Variants in CFAP299 observed in about 807,000 individuals in gnomAD.
The protein encoded by CFAP299 is cilia and flagella associated protein 299, also known as cilia- and flagella-associated protein 299.
CFAP299 carries 21 observed loss-of-function variants against 27.0 expected under a neutral mutation model. The ratio of observed to expected loss-of-function variants is 0.78; its 90% CI spans 0.55 to 1.12. The LOEUF is 1.12. Among genes scored for constraint, CFAP299 ranks in the 50% most tolerant of loss-of-function variants. CFAP299 has a pLI of 0.00. For synonymous variants in CFAP299, 104 were observed against 98.1 expected (o/e 1.06, Z -0.36); for missense variants, 310 against 276.6 (o/e 1.12, Z -0.86).
intron 1 of CFAP299, among the ~76,000 whole-genome samples, chr4:80,352,360 G>T (rs925633567): frequency 6.6e-6 from 1 of 152,112 alleles, no homozygotes; most frequent in Non-Finnish European, 1.5e-5. Flanking sequence ...TTGATATCAG[G>T]AGTTCGAGAC....
At chr4:80,492,040 C>CT (rs1731161950) in intron 2 of CFAP299, among the ~76,000 whole-genome samples, 1 of 152,176 alleles carries the variant, frequency 6.6e-6, no homozygotes. Flanking sequence ...TTACCTTAAT[C>CT]TTTATCTTAA....
chr4:80,929,759 C>T (rs1191197123), intron 4 of CFAP299, among the ~76,000 whole-genome samples: 2 of 152,190 alleles, frequency 1.3e-5, no homozygotes, highest in African/African-American at 4.8e-5. Flanking sequence ...TATCTCTTTT[C>T]TGCTTACACC....
chr4:80,785,978 G>A (rs1727224709), intron 3 of CFAP299, among the ~76,000 whole-genome samples: 1 of 152,072 alleles, frequency 6.6e-6, no homozygotes, highest in African/African-American at 2.4e-5. Flanking sequence ...GGGCAAAGCA[G>A]AACAGAATAA....
At chr4:80,698,226 T>G (rs1721235713) in intron 3 of CFAP299, among the ~76,000 whole-genome samples, 1 of 152,204 alleles carries the variant, frequency 6.6e-6, no homozygotes, top group Admixed American at 6.5e-5. Context: ...ATCATTCGTT[T>G]AAAGACATTA....
At chr4:80,392,484 G>C (rs1298932753) in intron 2 of CFAP299, among the ~76,000 whole-genome samples, 1 of 152,122 alleles carries the variant, frequency 6.6e-6, no homozygotes, top group Admixed American at 6.6e-5. Flanking sequence ...TCAAGGGAGT[G>C]GTTCCTCCAT....
At chr4:80,406,050 C>T (rs1449971375) in intron 2 of CFAP299, among the ~76,000 whole-genome samples, 1 of 151,910 alleles carries the variant, frequency 6.6e-6, no homozygotes, top group African/African-American at 2.4e-5. Context: ...AATAAAACTC[C>T]AAAACAAAAC....
intron 3 of CFAP299, among the ~76,000 whole-genome samples, chr4:80,669,881 T>C (rs1454019128): frequency 2.0e-5 from 3 of 151,932 alleles, no homozygotes; most frequent in African/African-American, 2.4e-5. Context: ...TCATTAAGGG[T>C]TTTTTATTAT....
chr4:80,727,541 A>G (rs1338181882), intron 3 of CFAP299, among the ~76,000 whole-genome samples: 2 of 152,068 alleles, frequency 1.3e-5, no homozygotes, highest in African/African-American at 4.8e-5. Flanking sequence ...TGATTCCACC[A>G]CTGTCTTGTG....
At chr4:80,852,811 A>G (rs779081367) in intron 3 of CFAP299, among the ~76,000 whole-genome samples, 3 of 152,178 alleles carry the variant, frequency 2.0e-5, no homozygotes, top group African/African-American at 4.8e-5. Context: ...ATTCAGCAAC[A>G]TGAAACCCAA....
intron 3 of CFAP299, among the ~76,000 whole-genome samples, chr4:80,718,598 A>G (rs1377805476): frequency 6.6e-6 from 1 of 152,096 alleles, no homozygotes; most frequent in African/African-American, 2.4e-5. Flanking sequence ...TACTATTTAA[A>G]AGGTTGATAA....
chr4:80,332,811 G>A (rs1024100035), upstream of CFAP299, among the ~76,000 whole-genome samples: 1 of 152,152 alleles, frequency 6.6e-6, no homozygotes, highest in Admixed American at 6.5e-5. Flanking sequence ...CAGGTGCTAT[G>A]TTCTGATTGT....
chr4:80,463,903 G>A (rs1469476066), intron 2 of CFAP299, among the ~76,000 whole-genome samples: 2 of 152,032 alleles, frequency 1.3e-5, no homozygotes, highest in Non-Finnish European at 2.9e-5. Context: ...ATGCACAAAC[G>A]TTCAAGCTCT....
At chr4:80,933,985 T>C (rs1476031198) in intron 4 of CFAP299, among the ~76,000 whole-genome samples, 2 of 152,030 alleles carry the variant, frequency 1.3e-5, no homozygotes, top group African/African-American at 4.8e-5. Flanking sequence ...ATGGTGAGAG[T>C]AGGCATCCTT....
chr4:80,664,562 T>C (rs998453612), intron 3 of CFAP299, among the ~76,000 whole-genome samples: 2 of 152,074 alleles, frequency 1.3e-5, no homozygotes, highest in Admixed American at 1.3e-4. Flanking sequence ...GCCTCAGTAA[T>C]GGTGGATGCC....
intron 3 of CFAP299, among the ~76,000 whole-genome samples, chr4:80,683,091 A>G (rs1719946579): frequency 6.6e-6 from 1 of 152,274 alleles, no homozygotes. Context: ...CTTTTCTTCT[A>G]TAACACCTCT....
intron 3 of CFAP299, among the ~76,000 whole-genome samples, chr4:80,687,856 C>T (rs561873695): frequency 3.3e-5 from 5 of 152,180 alleles, no homozygotes; most frequent in Admixed American, 1.3e-4. Flanking sequence ...CGAAGCAGGG[C>T]GAGGCATTGC....
At chr4:80,428,162 T>C (rs1284437408) in intron 2 of CFAP299, among the ~76,000 whole-genome samples, 1 of 152,224 alleles carries the variant, frequency 6.6e-6, no homozygotes, top group East Asian at 1.9e-4. Flanking sequence ...CTGTTTTTGT[T>C]ACCTCTTTTG....
intron 2 of CFAP299, among the ~76,000 whole-genome samples, chr4:80,439,228 C>G (rs1728232102): frequency 6.6e-6 from 1 of 152,138 alleles, no homozygotes; most frequent in African/African-American, 2.4e-5. Context: ...TTGTTGCTTA[C>G]TCTAAAAAAG....
Position 80,958,099 on chromosome 4 carries a change from G to A in CFAP299, c.607-5418G>A, listed in dbSNP as rs1283303726. ...AAACTAAATCCAAGAAACTCTGTCCGTAAGATTTCACCTGTAAAACCTGTA... is the reference window on the plus strand; with the variant it reads ...AAACTAAATCCAAGAAACTCTGTCCATAAGATTTCACCTGTAAAACCTGTA... On this transcript the variant is annotated intron_variant, in intron 5 of 5. Coordinates refer to ENST00000358105, the MANE Select transcript of CFAP299 (RefSeq NM_152770.3). Among the ~76,000 whole-genome samples the A allele has an allele frequency of 5.3e-5, 8 of 152,124 alleles. 1 individual carries two copies. The highest frequency in any genetic ancestry group is 4.2e-4 in the South Asian group (2 of 4,816).
Sources: allele counts gnomAD v4.1 joint callset (sites outside exome capture counted in the v4.1 genomes callset), GRCh38; gene constraint gnomAD v4.1.1; transcripts MANE v1.5; gene names NCBI Gene and HGNC (gene_info 2026-07-23, HGNC 2026-07-21).